ACBD6: variants seen among roughly 807,000 people sequenced by gnomAD.
ACBD6 encodes the protein acyl-CoA-binding domain-containing protein 6.
Under a neutral mutation model 37.2 loss-of-function variants are expected in ACBD6, and 28 were observed. That is an observed-to-expected ratio of 0.75 (90% CI 0.56 to 1.03). ACBD6 has a LOEUF of 1.03. Among genes scored for constraint, ACBD6 ranks in the 50% least tolerant of loss-of-function variants. The pLI, the probability that ACBD6 is intolerant of heterozygous loss-of-function variation, is 0.00. For missense variants in ACBD6, 340 were observed against 337.4 expected (o/e 1.01, Z -0.06); for synonymous variants, 113 against 126.8 (o/e 0.89, Z 0.73).
At chr1:180,412,214 C>T (rs1360401927) in intron 5 of ACBD6, among the ~76,000 whole-genome samples, 2 of 151,784 alleles carry the variant, frequency 1.3e-5, no homozygotes, top group Non-Finnish European at 2.9e-5. Flanking sequence ...CATAGTATTA[C>T]TAGTCCCTTT....
At chr1:180,271,422 C>T in exon 14 of ACBD6, 1 of 1,614,186 alleles carries the variant, frequency 6.2e-7, no homozygotes, top group South Asian at 1.1e-5. Flanking sequence ...ACCACCATCA[C>T]AGCCAAGCAG....
chr1:180,325,296 G>A (rs1033776919), intron 6 of ACBD6, among the ~76,000 whole-genome samples: 1 of 151,980 alleles, frequency 6.6e-6, no homozygotes, highest in African/African-American at 2.4e-5. Flanking sequence ...TTTCCTCTGT[G>A]TATTTTTAAG....
chr1:180,469,052 C>G (rs1347223239), intron 3 of ACBD6, among the ~76,000 whole-genome samples: 1 of 152,128 alleles, frequency 6.6e-6, no homozygotes, highest in Non-Finnish European at 1.5e-5. Flanking sequence ...AGGGTTTTGA[C>G]CATAAGATAA....
chr1:180,374,366 C>T (rs1653360164), intron 6 of ACBD6, among the ~76,000 whole-genome samples: 1 of 152,136 alleles, frequency 6.6e-6, no homozygotes, highest in Admixed American at 6.5e-5. Context: ...CACTCAAGTG[C>T]TAGTAAACAT....
intron 3 of ACBD6, among the ~76,000 whole-genome samples, chr1:180,489,695 C>T (rs934972423): frequency 7.4e-5 from 11 of 148,610 alleles, no homozygotes; most frequent in African/African-American, 2.2e-4. Flanking sequence ...CTTGCTCTGT[C>T]GCCCAGGCTG....
chr1:180,346,693 A>G (rs1034050447), intron 6 of ACBD6, among the ~76,000 whole-genome samples: 1 of 152,194 alleles, frequency 6.6e-6, no homozygotes, highest in Admixed American at 6.5e-5. Flanking sequence ...GTGAGAAAAC[A>G]AAAGTGTGTT....
At chr1:180,434,070 C>T (rs1648921007) in intron 3 of ACBD6, among the ~76,000 whole-genome samples, 1 of 152,168 alleles carries the variant, frequency 6.6e-6, no homozygotes, top group African/African-American at 2.4e-5. Flanking sequence ...GGATGAACCC[C>T]TCCTCTCAGC....
At chr1:180,385,431 A>T (rs1037383893) in intron 6 of ACBD6, among the ~76,000 whole-genome samples, 1 of 150,282 alleles carries the variant, frequency 6.7e-6, no homozygotes, top group East Asian at 1.9e-4. Context: ...CACACTGTTT[A>T]TAAGAGACAT....
chr1:180,416,533 T>C (rs1648102685), intron 4 of ACBD6, among the ~76,000 whole-genome samples: 1 of 152,196 alleles, frequency 6.6e-6, no homozygotes, highest in African/African-American at 2.4e-5. Flanking sequence ...TCATTATCTA[T>C]AGATGACTGT....
At chr1:180,304,044 C>T (rs1650246084) in intron 7 of ACBD6, among the ~76,000 whole-genome samples, 1 of 150,754 alleles carries the variant, frequency 6.6e-6, no homozygotes, top group African/African-American at 2.4e-5. Context: ...AGGCCTTTGA[C>T]AAAATTCAAC....
chr1:180,305,622 G>A (rs944217716), intron 7 of ACBD6, among the ~76,000 whole-genome samples: 2 of 152,146 alleles, frequency 1.3e-5, no homozygotes, highest in African/African-American at 4.8e-5. Context: ...GAGAGGATGT[G>A]GAGAAATAGA....
intron 6 of ACBD6, among the ~76,000 whole-genome samples, chr1:180,349,728 A>AT (rs1652334450): frequency 6.6e-6 from 1 of 152,040 alleles, no homozygotes; most frequent in Non-Finnish European, 1.5e-5. Context: ...TTTCTCTTTA[A>AT]TATTGTTTTA....
chr1:180,364,734 A>AT (rs1426493483), intron 6 of ACBD6, among the ~76,000 whole-genome samples: 6,142 of 89,758 alleles, frequency 0.068, 416 homozygotes, highest in African/African-American at 0.23. Flanking sequence ...ATTCCTTTCT[A>AT]TCTTTTTTTT....
intron 3 of ACBD6, among the ~76,000 whole-genome samples, chr1:180,432,603 A>C (rs1648856637): frequency 6.6e-6 from 1 of 152,142 alleles, no homozygotes; most frequent in Non-Finnish European, 1.5e-5. Context: ...CCTTAAATAG[A>C]TTAATAAGCA....
chr1:180,476,344 C>T (rs1413937633), intron 3 of ACBD6, among the ~76,000 whole-genome samples: 1 of 152,104 alleles, frequency 6.6e-6, no homozygotes, highest in East Asian at 1.9e-4. Flanking sequence ...TAAATAACTC[C>T]CACAAGCTTT....
At chr1:180,361,434 T>C (rs1478069427) in intron 6 of ACBD6, among the ~76,000 whole-genome samples, 3 of 150,206 alleles carry the variant, frequency 2.0e-5, no homozygotes, top group Non-Finnish European at 3.0e-5. Flanking sequence ...TGTAAACACA[T>C]AATGGAATCT....
chr1:180,406,780 G>A (rs1388040333), intron 5 of ACBD6, among the ~76,000 whole-genome samples: 2 of 152,068 alleles, frequency 1.3e-5, no homozygotes, highest in South Asian at 2.1e-4. Context: ...AAGTAAAAAC[G>A]TATATTATCC....
At chr1:180,356,127 C>G (rs1202150820) in intron 6 of ACBD6, among the ~76,000 whole-genome samples, 1 of 151,986 alleles carries the variant, frequency 6.6e-6, no homozygotes, top group Non-Finnish European at 1.5e-5. Flanking sequence ...TGTGCCTCGG[C>G]CTCCCAAAGT....
chr1:180,373,028 C>T (rs1168351295), intron 6 of ACBD6, among the ~76,000 whole-genome samples: 1 of 152,160 alleles, frequency 6.6e-6, no homozygotes, highest in African/African-American at 2.4e-5. Context: ...TACTGCTCTC[C>T]CTGACTGGAT....
Sources: gnomAD v4.1 joint callset for allele counts (sites outside exome capture counted in the v4.1 genomes callset) on GRCh38, gnomAD v4.1.1 for gene constraint, MANE v1.5 for transcripts, NCBI Gene and HGNC (gene_info 2026-07-23, HGNC 2026-07-21) for gene names.